ABL1: variants seen among roughly 807,000 people sequenced by gnomAD.
The protein encoded by ABL1 is ABL proto-oncogene 1, non-receptor tyrosine kinase.
A neutral mutation model predicts 94.7 loss-of-function variants in ABL1; 11 were observed. That is an observed-to-expected ratio of 0.12 (90% CI 0.07 to 0.19). The LOEUF is 0.19. Ranked by LOEUF, ABL1 falls within the 10% of genes least tolerant of loss-of-function variation. The pLI is 1.00. For missense variants in ABL1, 1,082 were observed against 1,489.4 expected (o/e 0.73, Z 4.50); for synonymous variants, 656 against 622.4 (o/e 1.05, Z -0.80).
intron 1 of ABL1, among the ~76,000 whole-genome samples, chr9:130,742,117 A>T (rs567434386): frequency 9.9e-5 from 15 of 152,222 alleles, no homozygotes; most frequent in African/African-American, 3.6e-4. Flanking sequence ...CCACCGAGTC[A>T]TGTATGTTCT....
chr9:130,853,170 C>T (rs200811424), intron 1 of ABL1, among the ~76,000 whole-genome samples: 23 of 75,332 alleles, frequency 3.1e-4, no homozygotes, highest in East Asian at 8.9e-4. Context: ...TTTGACTTTT[C>T]TTTTTTTTTT....
upstream of ABL1, chr9:130,835,149 A>T: frequency 4.6e-6 from 1 of 219,084 alleles, no homozygotes; most frequent in South Asian, 4.3e-5. The surrounding 1 kb of genome is among the most constrained non-coding windows in gnomAD (Gnocchi z 4.6). Context: ...GGCCTCGGGA[A>T]CGCCAGGGGC....
intron 1 of ABL1, among the ~76,000 whole-genome samples, chr9:130,811,911 CAAAA>C (rs1203330162): frequency 1.3e-3 from 24 of 18,554 alleles, no homozygotes; most frequent in African/African-American, 2.4e-3. Flanking sequence ...GACTCCGTCT[CAAAA>C]AAAAAAAAAA....
chr9:130,832,419 T>C (rs1588257295), upstream of ABL1, among the ~76,000 whole-genome samples: 1 of 152,218 alleles, frequency 6.6e-6, no homozygotes, highest in East Asian at 1.9e-4. Flanking sequence ...ACTTATTTCA[T>C]CTTCTGATCT....
At position 130,872,224 on chromosome 9, in the gene ABL1, C is replaced by T. The variant is rs1183620179; in HGVS notation, c.907+11C>T. On this transcript the variant is annotated intron_variant, in intron 5 of 10. Transcript: ENST00000318560. This position sits in a 1 kb window ranked among gnomAD's most constrained non-coding sequence, Gnocchi z 5.0. ...TGGTGCAGCTCCTTGGTGAGTAAGC[C>T]CGGGGCTCTGAAGAGAGGGTCTCGC... The T allele has an allele frequency of 6.2e-7, 1 of 1,612,624 alleles. No individual in the cohort carries two copies. The highest frequency in any genetic ancestry group is 1.1e-5 in the South Asian group (1 of 90,946).
At position 130,721,822 on chromosome 9, in the gene ABL1, G is replaced by GTTT. The variant is rs746954089; in HGVS notation, c.136+7382_136+7384dup. 5.9e-4 allele frequency among the ~76,000 whole-genome samples: 71 copies of GTTT among 120,826 alleles called. 1 individual carries two copies. Among genetic ancestry groups the GTTT allele is most frequent in the Middle Eastern group, 4.6e-3 (1 of 216 alleles). The allele number at this position is 120,826 out of a possible 152,430, so 79.3% of individuals were successfully genotyped here. On this transcript the variant is annotated intron_variant, in intron 1 of 10. Transcript: ENST00000372348. ...AGTTAAATTTGTCAGGTTTTTTTTT[G>GTTT]TTTTTTTTTTTTTTTTTGAGACAGA...
Position 130,880,215 on chromosome 9 carries a change from G to A in ABL1, c.1513+58G>A, listed in dbSNP as rs2133022992. The A allele has an allele frequency of 1.3e-6, 2 of 1,533,690 alleles. No homozygotes were observed. Among genetic ancestry groups the A allele is most frequent in the African/African-American group, 2.7e-5 (2 of 73,158 alleles). Reference sequence around the variant, plus strand: ...GGTGAAAGGGCAGCCATGTGGGACTGCAGCCTGGGTCATTCGGTTCACTTC... The same window carrying A: ...GGTGAAAGGGCAGCCATGTGGGACTACAGCCTGGGTCATTCGGTTCACTTC... On this transcript the variant is annotated intron_variant, in intron 9 of 10. Coordinates refer to ENST00000318560, the MANE Select transcript of ABL1 (RefSeq NM_005157.6). This position sits in a 1 kb window ranked among gnomAD's most constrained non-coding sequence, Gnocchi z 4.4.
intron 4 of ABL1, among the ~76,000 whole-genome samples, chr9:130,869,814 T>C (rs7873502): frequency 0.019 from 2,922 of 152,154 alleles, 96 homozygotes; most frequent in African/African-American, 0.067. Flanking sequence ...GTAGGCTGTT[T>C]TGTTGTTGTT....
intron 1 of ABL1, among the ~76,000 whole-genome samples, chr9:130,758,573 C>T (rs1347523798): frequency 1.3e-5 from 2 of 152,218 alleles, no homozygotes; most frequent in African/African-American, 2.4e-5. Context: ...GCTGAGATTA[C>T]AGGCGTGCGC....
chr9:130,723,134 G>C (rs1831537040), intron 1 of ABL1, among the ~76,000 whole-genome samples: 1 of 152,174 alleles, frequency 6.6e-6, no homozygotes, highest in Non-Finnish European at 1.5e-5. Context: ...TCAGTAAGAG[G>C]AGGTCTCCCG....
chr9:130,856,507 C>T (rs1830978130), intron 3 of ABL1, among the ~76,000 whole-genome samples: 2 of 152,232 alleles, frequency 1.3e-5, no homozygotes, highest in Non-Finnish European at 2.9e-5. Flanking sequence ...CAGGCACGAG[C>T]CACTGTGCCC....
At position 130,885,108 on chromosome 9, in the gene ABL1, G is replaced by A. The variant is rs1831548076; in HGVS notation, c.2818G>A (p.Ala940Thr). ...GACAAAAGCCACGAGTCTGGTTGATGCTGTGAACAGTGACGCTGCCAAGCC... is the reference window on the plus strand; with the variant it reads ...GACAAAAGCCACGAGTCTGGTTGATACTGTGAACAGTGACGCTGCCAAGCC... ...AKTKATSLVD[A>T]VNSDAAKPSQ... is the part of the protein sequence containing the mutation. Residue 940 changes from alanine (A) to threonine (T), a missense_variant, in exon 11 of 11, where the codon GCT becomes ACT. Ala to Thr is a moderately conservative substitution (Grantham distance 58, BLOSUM62 0). Coordinates refer to ENST00000318560, the MANE Select transcript of ABL1 (RefSeq NM_005157.6). 6.2e-7 allele frequency: 1 copy of A among 1,612,072 alleles called. No homozygotes were observed. Among genetic ancestry groups the A allele is most frequent in the Non-Finnish European group, 8.5e-7 (1 of 1,179,404 alleles).
Position 130,802,095 on chromosome 9 carries a change from C to CTT in ABL1, c.137-51955_137-51954dup, listed in dbSNP as rs3085157. ...AGTCTGTTCATTTTTTTCCTTCAGT[C>CTT]TTTTTTTTTTTTTTTGAAATGGTCT... On this transcript the variant is annotated intron_variant, in intron 1 of 10. Coordinates refer to the ABL1 transcript ENST00000372348. Among the ~76,000 whole-genome samples the CTT allele has an allele frequency of 1.3e-4, 17 of 132,074 alleles. 1 individual carries two copies. The highest frequency in any genetic ancestry group is 2.4e-4 in the South Asian group (1 of 4,152). 86.6% of individuals were successfully genotyped at this position (132,074 alleles called of 152,430 possible). A position where few individuals can be genotyped will look rare whatever the true frequency, so the allele number is the denominator to read the frequency against.
At chr9:130,845,394 C>T (rs945876338) in intron 1 of ABL1, among the ~76,000 whole-genome samples, 1 of 151,406 alleles carries the variant, frequency 6.6e-6, no homozygotes, top group Non-Finnish European at 1.5e-5. Context: ...CAGGCTGGAG[C>T]GTGGTGATGC....
intron 1 of ABL1, among the ~76,000 whole-genome samples, chr9:130,739,289 A>G (rs948063106): frequency 1.3e-5 from 2 of 151,708 alleles, no homozygotes. Flanking sequence ...ACATGATGTG[A>G]TGTTTAGTTC....
chr9:130,768,482 C>T (rs1832211280), intron 1 of ABL1, among the ~76,000 whole-genome samples: 1 of 152,166 alleles, frequency 6.6e-6, no homozygotes, highest in African/African-American at 2.4e-5. Flanking sequence ...GAAGTTTCCA[C>T]TGATGACCAC....
At chr9:130,801,341 C>G (rs1830052343) in intron 1 of ABL1, among the ~76,000 whole-genome samples, 1 of 152,184 alleles carries the variant, frequency 6.6e-6, no homozygotes, top group Admixed American at 6.5e-5. Flanking sequence ...GAGTCTCCTG[C>G]CTCAGCCTCC....
chr9:130,716,766 T>G (rs1831446492), intron 1 of ABL1, among the ~76,000 whole-genome samples: 1 of 152,096 alleles, frequency 6.6e-6, no homozygotes, highest in Admixed American at 6.6e-5. Flanking sequence ...TTTTTCCTCT[T>G]CGGGGTAGAG....
At chr9:130,797,519 C>T (rs144817671) in intron 1 of ABL1, among the ~76,000 whole-genome samples, 98 of 152,180 alleles carry the variant, frequency 6.4e-4, no homozygotes, top group African/African-American at 2.2e-3. Flanking sequence ...GTACTACAGG[C>T]GTGTGCCGCC....
Sources: gnomAD v4.1 joint callset for allele counts (sites outside exome capture counted in the v4.1 genomes callset) on GRCh38, gnomAD v4.1.1 for gene constraint, Gnocchi (gnomAD v3.1) non-coding constraint, MANE v1.5 for transcripts, NCBI Gene and HGNC (gene_info 2026-07-23, HGNC 2026-07-21) for gene names.